The following DAB1 variants were observed in gnomAD, a reference collection of about 807,000 sequenced individuals.
DAB1 encodes the protein disabled homolog 1.
Under a neutral mutation model 64.6 loss-of-function variants are expected in DAB1, and 15 were observed. That is an observed-to-expected ratio of 0.23 (90% CI 0.16 to 0.36). The LOEUF (loss-of-function observed/expected upper bound fraction) is 0.36, where lower values mean the gene tolerates loss of function less well. Among genes scored for constraint, DAB1 ranks in the 10% least tolerant of loss-of-function variants. The pLI is 1.00. For missense variants in DAB1, 596 were observed against 706.7 expected (o/e 0.84, Z 1.78); for synonymous variants, 235 against 251.9 (o/e 0.93, Z 0.64).
At chr1:58,167,624 C>T (rs1655931987) in intron 4 of DAB1, among the ~76,000 whole-genome samples, 1 of 152,224 alleles carries the variant, frequency 6.6e-6, no homozygotes, top group Non-Finnish European at 1.5e-5. Flanking sequence ...TCACTCTTCA[C>T]AACAAATCTT....
At chr1:58,126,423 C>T (rs1653086017) in intron 5 of DAB1, among the ~76,000 whole-genome samples, 1 of 151,570 alleles carries the variant, frequency 6.6e-6, no homozygotes, top group South Asian at 2.1e-4. Flanking sequence ...CATGACTCCT[C>T]ATTCAGAAGG....
intron 4 of DAB1, among the ~76,000 whole-genome samples, chr1:58,245,851 G>A (rs1032514235): frequency 2.6e-5 from 4 of 152,116 alleles, no homozygotes; most frequent in African/African-American, 9.7e-5. Flanking sequence ...AACAGAACAA[G>A]TTTCTGTTCA....
At chr1:57,397,249 C>T (rs1682886436) in intron 1 of DAB1, among the ~76,000 whole-genome samples, 1 of 152,126 alleles carries the variant, frequency 6.6e-6, no homozygotes, top group South Asian at 2.1e-4. Context: ...TGGTGGTAAA[C>T]AGAAAAATTC....
At chr1:58,308,646 C>G (rs912999837) in intron 4 of DAB1, among the ~76,000 whole-genome samples, 5 of 152,140 alleles carry the variant, frequency 3.3e-5, no homozygotes, top group Non-Finnish European at 5.9e-5. Context: ...TTTAGATAAC[C>G]AGGCTTTAGT....
chr1:58,350,255 T>A (rs987770213), intron 3 of DAB1, among the ~76,000 whole-genome samples: 4 of 152,236 alleles, frequency 2.6e-5, no homozygotes, highest in Admixed American at 6.5e-5. Flanking sequence ...AAATGTCCTC[T>A]TTTGTGAAAT....
At chr1:57,941,423 A>G (rs1002563045) in intron 5 of DAB1, among the ~76,000 whole-genome samples, 1 of 152,238 alleles carries the variant, frequency 6.6e-6, no homozygotes, top group Non-Finnish European at 1.5e-5. Context: ...AGGCATATTA[A>G]TAACAATCCT....
intron 4 of DAB1, among the ~76,000 whole-genome samples, chr1:57,136,178 G>A (rs189836228): frequency 1.2e-3 from 190 of 152,232 alleles, no homozygotes; most frequent in South Asian, 1.2e-3. Context: ...TGCTTTGACC[G>A]AGTCAAAAGA....
chr1:58,124,947 T>G (rs993659032), intron 5 of DAB1, among the ~76,000 whole-genome samples: 3 of 152,202 alleles, frequency 2.0e-5, no homozygotes, highest in African/African-American at 7.2e-5. Context: ...ACAGATCTGG[T>G]TCTAGACTCT....
intron 1 of DAB1, among the ~76,000 whole-genome samples, chr1:57,413,669 G>A (rs536278298): frequency 2.7e-4 from 40 of 150,296 alleles, no homozygotes; most frequent in Admixed American, 1.0e-3. Flanking sequence ...GCTTGAACTC[G>A]GGAGGTAGAG....
intron 2 of DAB1, among the ~76,000 whole-genome samples, chr1:58,520,026 A>G (rs1280297588): frequency 6.6e-6 from 1 of 152,188 alleles, no homozygotes; most frequent in Non-Finnish European, 1.5e-5. Context: ...GTTCTCACTC[A>G]TAAGGGGGAG....
chr1:57,600,738 C>T (rs1645567372), intron 7 of DAB1, among the ~76,000 whole-genome samples: 1 of 152,104 alleles, frequency 6.6e-6, no homozygotes, highest in Non-Finnish European at 1.5e-5. Flanking sequence ...GTAATTATTG[C>T]AAAGCAGCGA....
chr1:57,158,544 A>G (rs977954487), intron 2 of DAB1, among the ~76,000 whole-genome samples: 4 of 152,118 alleles, frequency 2.6e-5, no homozygotes, highest in African/African-American at 9.7e-5. Context: ...AAAGAGCCCT[A>G]TTGTCTGTTA....
intron 6 of DAB1, among the ~76,000 whole-genome samples, chr1:57,768,573 T>C (rs1031969357): frequency 6.7e-6 from 1 of 149,974 alleles, no homozygotes; most frequent in African/African-American, 2.4e-5. Context: ...ATATATATTA[T>C]CTATATATAC....
chr1:57,108,301 A>G (rs1258769841), intron 4 of DAB1, among the ~76,000 whole-genome samples: 1 of 152,150 alleles, frequency 6.6e-6, no homozygotes, highest in African/African-American at 2.4e-5. Context: ...TTATAAGTCA[A>G]TCTCACATCC....
chr1:58,446,176 A>G (rs1472631176), intron 3 of DAB1, among the ~76,000 whole-genome samples: 1 of 152,196 alleles, frequency 6.6e-6, no homozygotes, highest in African/African-American at 2.4e-5. Flanking sequence ...TTAATTGGGA[A>G]ATTGATTTCG....
At chr1:57,744,161 C>A (rs1033684049) in intron 6 of DAB1, among the ~76,000 whole-genome samples, 15 of 152,262 alleles carry the variant, frequency 9.9e-5, no homozygotes, top group Non-Finnish European at 1.9e-4. Flanking sequence ...GGCTTGCTCC[C>A]AACATGACTC....
chr1:57,435,372 C>T (rs987872818), intron 7 of DAB1, among the ~76,000 whole-genome samples: 2 of 152,102 alleles, frequency 1.3e-5, no homozygotes, highest in South Asian at 4.1e-4. Flanking sequence ...TTAAATAATA[C>T]ATTAATTTAG....
intron 4 of DAB1, among the ~76,000 whole-genome samples, chr1:58,181,863 T>A (rs145524350): frequency 6.6e-6 from 1 of 152,034 alleles, no homozygotes; most frequent in African/African-American, 2.4e-5. Context: ...TTGTCTTTTA[T>A]ATTTATCTTC....
chr1:57,178,031 T>G (rs1306748240), intron 2 of DAB1, among the ~76,000 whole-genome samples: 1 of 152,118 alleles, frequency 6.6e-6, no homozygotes, highest in Non-Finnish European at 1.5e-5. Context: ...GCTATGACTA[T>G]TTGCCTTACA....
Sources: gnomAD v4.1 joint callset for allele counts (sites outside exome capture counted in the v4.1 genomes callset) on GRCh38, gnomAD v4.1.1 for gene constraint, MANE v1.5 for transcripts, NCBI Gene and HGNC (gene_info 2026-07-23, HGNC 2026-07-21) for gene names.